Variants in PLEKHA7 observed in about 807,000 individuals in gnomAD.
PLEKHA7 encodes pleckstrin homology domain-containing family A member 7.
In PLEKHA7, 104 loss-of-function variants were observed where a neutral mutation model predicts 170.0. The observed-to-expected ratio is 0.61, with a 90% CI of 0.52 to 0.72. The LOEUF is 0.72. Among genes scored for constraint, PLEKHA7 ranks in the 30% least tolerant of loss-of-function variants. The pLI is 0.00. For synonymous variants in PLEKHA7, 648 were observed against 660.8 expected (o/e 0.98, Z 0.30); for missense variants, 1,615 against 1,671.7 (o/e 0.97, Z 0.59).
At chr11:16,907,410 C>A in intron 3 of PLEKHA7, among the ~76,000 whole-genome samples, 1 of 130,542 alleles carries the variant, frequency 7.7e-6, no homozygotes, top group Non-Finnish European at 1.7e-5. Context: ...CCCGCCCGGC[C>A]AGCCGCCCCG....
In PLEKHA7 at chr11:17,014,004, G is replaced by C. The variant is rs1392113578; in HGVS notation, c.206C>G (p.Ala69Gly). 7 of 1,546,204 alleles carry C rather than the reference G, an allele frequency of 4.5e-6. No individual in the cohort carries two copies. The highest frequency in any genetic ancestry group is 2.0e-5 in the Admixed American group (1 of 50,932). ...GWEEGFTEEG[A>G]SYFIDHNQQT... ...ACTCACTCACTCGATGAAGTAGCTG[G>C]CGCCCTCCTCCGTGAAGCCCTCCTC... The change falls in exon 3 of 27, where the codon GCC becomes GGC. Residue 69 changes from alanine to glycine, a missense_variant. By Grantham distance (60) the Ala-to-Gly change is moderately conservative. Transcript: ENST00000531066.
chr11:16,893,447 A>G (rs1856803302), intron 3 of PLEKHA7, among the ~76,000 whole-genome samples: 1 of 152,204 alleles, frequency 6.6e-6, no homozygotes, highest in Non-Finnish European at 1.5e-5. Context: ...GAGCTCTTAC[A>G]GCTCTGACAC....
intron 13 of PLEKHA7, chr11:16,807,127 G>A (rs952929823): frequency 7.2e-6 from 7 of 976,860 alleles, no homozygotes; most frequent in Middle Eastern, 5.3e-4. Context: ...TTGGAGACAC[G>A]GATCAGATCA....
chr11:17,014,079 T>C, intron 2 of PLEKHA7, 33 bp from the exon 3 acceptor site: 1 of 1,577,728 alleles, frequency 6.3e-7, no homozygotes, highest in Non-Finnish European at 8.6e-7. Flanking sequence ...GGGTCAAACT[T>C]GGGCCGCCGC....
chr11:16,981,304 A>G (rs1408488064), intron 3 of PLEKHA7, among the ~76,000 whole-genome samples: 1 of 152,196 alleles, frequency 6.6e-6, no homozygotes, highest in African/African-American at 2.4e-5. Flanking sequence ...TTCTACGAGT[A>G]GACACTAGTA....
chr11:16,793,358 T>C (rs1433010842), intron 19 of PLEKHA7, among the ~76,000 whole-genome samples: 1 of 152,226 alleles, frequency 6.6e-6, no homozygotes, highest in Non-Finnish European at 1.5e-5. Flanking sequence ...GGATCTGGGA[T>C]TGGGAAGGAG....
rs1371048849 is a variant in PLEKHA7 at position 16,789,727 on chromosome 11, C to T, written c.3156+48G>A. 1.3e-6 allele frequency: 2 copies of T among 1,511,312 alleles called. No homozygotes were observed. The highest frequency in any genetic ancestry group is 1.8e-6 in the Non-Finnish European group (2 of 1,091,144). 93.6% of individuals were successfully genotyped at this position (1,511,312 alleles called of 1,614,324 possible). ...ACTGTCCCCCTGGGAGACCCTCCCT[C>T]CCCATGTGAAGGAGCAGGGAGGTCC... On this transcript the variant is annotated intron_variant, in intron 22 of 26. Coordinates refer to ENST00000531066, the MANE Select transcript of PLEKHA7 (RefSeq NM_001329630.2). This position sits in a 1 kb window ranked among gnomAD's most constrained non-coding sequence, Gnocchi z 4.6.
Position 16,816,285 on chromosome 11 carries a change from A to T in PLEKHA7, c.1867-21T>A, listed in dbSNP as rs746710186. On this transcript the variant is annotated intron_variant, in intron 11 of 26. Transcript: ENST00000531066. The stretch of plus-strand genomic sequence containing the variant: ...GAGTTCTGCAAGTGGGGAGACAAGA[A>T]GTCACACTGGAGCCCAAACCTCTGC... 11 of 1,589,820 alleles carry T rather than the reference A, an allele frequency of 6.9e-6. No individual in the cohort carries two copies. The African/African-American group carries it at 1.5e-4, about 21-fold the overall frequency.
chr11:16,888,708 C>G (rs1045379105), intron 3 of PLEKHA7, among the ~76,000 whole-genome samples: 1 of 147,502 alleles, frequency 6.8e-6, no homozygotes. Flanking sequence ...ACAAACACTG[C>G]GCAAGGCCGC....
intron 3 of PLEKHA7, among the ~76,000 whole-genome samples, chr11:16,982,123 G>A (rs576931011): frequency 6.6e-6 from 1 of 152,310 alleles, no homozygotes; most frequent in East Asian, 1.9e-4. Context: ...CCAGGAAGCT[G>A]GGAAAGTACT....
intron 3 of PLEKHA7, among the ~76,000 whole-genome samples, chr11:16,933,293 C>T (rs1032666317): frequency 6.6e-6 from 1 of 152,156 alleles, no homozygotes; most frequent in Non-Finnish European, 1.5e-5. Flanking sequence ...GTGGAGGATC[C>T]AGTATGCAAA....
At chr11:16,812,559 G>A (rs1435257457) in intron 13 of PLEKHA7, 2 of 152,306 alleles carry the variant, frequency 1.3e-5, no homozygotes, top group Non-Finnish European at 2.9e-5. Context: ...CTTCTCTACA[G>A]GAGCTTTCTT....
intron 3 of PLEKHA7, among the ~76,000 whole-genome samples, chr11:16,962,987 G>C (rs936382345): frequency 2.0e-5 from 3 of 152,214 alleles, no homozygotes; most frequent in Non-Finnish European, 4.4e-5. Context: ...TCCTCCCACT[G>C]CAAGACAATC....
At chr11:16,813,036 T>G (rs1590198510) in intron 13 of PLEKHA7, 77 bp downstream of exon 13, 1 of 1,343,690 alleles carries the variant, frequency 7.4e-7, no homozygotes, top group East Asian at 2.3e-5. Context: ...GCCTTTGGCT[T>G]TGGGCTTGGC....
chr11:16,906,583 G>A lies in PLEKHA7; in HGVS notation c.222-35401C>T, dbSNP rs1400134216. On this transcript the variant is annotated intron_variant, in intron 3 of 26. Coordinates refer to ENST00000531066, the MANE Select transcript of PLEKHA7 (RefSeq NM_001329630.2). ...AGTGATCTGCCAGCCTCGGCCTCCC[G>A]AGGTGCCGGGATGGCAGACGGAGTC... 2.9e-5 allele frequency among the ~76,000 whole-genome samples: 4 copies of A among 138,758 alleles called. 1 individual carries two copies. Among genetic ancestry groups the A allele is most frequent in the Non-Finnish European group, 4.5e-5 (3 of 67,314 alleles). 91.0% of individuals were successfully genotyped at this position (138,758 alleles called of 152,430 possible).
At position 16,778,823 on chromosome 11, in the gene PLEKHA7, TG is replaced by T; in HGVS notation, c.*174del. On this transcript the variant is annotated 3_prime_UTR_variant, in exon 27 of 27. Coordinates refer to ENST00000531066, the MANE Select transcript of PLEKHA7 (RefSeq NM_001329630.2). ...TAGAGAGGAGTCTGAGCTAAACTAGTGGGTGCATATTAGGGCCTGGCCTGTG... is the reference window on the plus strand; with the variant it reads ...TAGAGAGGAGTCTGAGCTAAACTAGTGGTGCATATTAGGGCCTGGCCTGTG... 7.9e-6 allele frequency: 5 copies of T among 635,576 alleles called. No individual in the cohort carries two copies. 39.4% of individuals were successfully genotyped at this position (635,576 alleles called of 1,614,324 possible).
chr11:17,002,783 C>A (rs1292871458), intron 3 of PLEKHA7, among the ~76,000 whole-genome samples: 1 of 152,126 alleles, frequency 6.6e-6, no homozygotes, highest in African/African-American at 2.4e-5. Flanking sequence ...TCTGTGCAGA[C>A]TTCTAACTGC....
At chr11:16,783,893 C>G in intron 24 of PLEKHA7, 60 bp from the exon 25 acceptor site, 2 of 1,347,014 alleles carry the variant, frequency 1.5e-6, no homozygotes, top group Non-Finnish European at 1.9e-6. Context: ...TTAGGACTCG[C>G]TTTCCCCACC....
intron 13 of PLEKHA7, chr11:16,803,575 G>A: frequency 4.9e-6 from 2 of 405,310 alleles, no homozygotes; most frequent in Admixed American, 4.0e-5. Context: ...AATTTTAAAA[G>A]TATATATTTG....
Sources: gnomAD v4.1 joint callset for allele counts (sites outside exome capture counted in the v4.1 genomes callset) on GRCh38, gnomAD v4.1.1 for gene constraint, Gnocchi (gnomAD v3.1) non-coding constraint, MANE v1.5 for transcripts, NCBI Gene and HGNC (gene_info 2026-07-23, HGNC 2026-07-21) for gene names.